The following VARS2 variants were observed in gnomAD, a reference collection of about 807,000 sequenced individuals.
VARS2 encodes valyl-tRNA synthetase 2, mitochondrial.
Under a neutral mutation model 154.1 loss-of-function variants are expected in VARS2, and 105 were observed. The ratio of observed to expected loss-of-function variants is 0.68; its 90% CI spans 0.58 to 0.80. The LOEUF is 0.80. Ranked by LOEUF, VARS2 falls within the 30% of genes least tolerant of loss-of-function variation. VARS2 has a pLI of 0.00. For synonymous variants in VARS2, 483 were observed against 539.5 expected, an observed-to-expected ratio of 0.90 and a Z score of 1.45; for missense variants, 1,157 against 1,361.4, an observed-to-expected ratio of 0.85 and a Z score of 2.36.
rs145049694 is a variant in VARS2 at position 30,916,480 on chromosome 6, TTATA to T, written c.671+245_671+248del. Reference sequence around the variant, plus strand: ...TGTGTGTGTGTGTGTGTGTGTGTATTTATATATATATATATATTTTCTTTCTCTT... The same window carrying T: ...TGTGTGTGTGTGTGTGTGTGTGTATTTATATATATATATTTTCTTTCTCTT... On this transcript the variant is annotated intron_variant, in intron 7 of 29. Coordinates refer to ENST00000676266, the MANE Select transcript of VARS2 (RefSeq NM_020442.6). This position sits in a 1 kb window ranked among gnomAD's most constrained non-coding sequence, Gnocchi z 4.0. The T allele has an allele frequency of 2.8e-5, 8 of 286,940 alleles. No individual in the cohort carries two copies. Among genetic ancestry groups the T allele is most frequent in the Non-Finnish European group, 4.8e-5 (8 of 166,678 alleles). 17.8% of individuals were successfully genotyped at this position (286,940 alleles called of 1,614,324 possible). A position where few individuals can be genotyped will look rare whatever the true frequency, so the allele number is the denominator to read the frequency against.
chr6:30,914,258 TCCAGGG>T lies in VARS2; in HGVS notation c.-110_-105del. 2 of 816,582 alleles carry T rather than the reference TCCAGGG, an allele frequency of 2.4e-6. No individual in the cohort carries two copies. The highest frequency in any genetic ancestry group is 3.3e-6 in the Non-Finnish European group (2 of 606,572). The allele number at this position is 816,582 out of a possible 1,614,324, so 50.6% of individuals were successfully genotyped here. ...GCCCCGCCCCCATGCGCCGCGCGGC[TCCAGGG>T]CCACGTTCCAGGGTCGGGTTTGGTG... On this transcript the variant is annotated 5_prime_UTR_variant, in exon 1 of 30. Coordinates refer to ENST00000676266, the MANE Select transcript of VARS2 (RefSeq NM_020442.6).
In VARS2 at chr6:30,917,305, A is replaced by G; in HGVS notation, c.873+81A>G. The stretch of plus-strand genomic sequence containing the variant: ...GATTAAGAGCTCAGACTCTGGAGCC[A>G]GGGTGCCTGGATTCAAATCTGATGC... On this transcript the variant is annotated intron_variant, in intron 9 of 29. Coordinates refer to ENST00000676266, the MANE Select transcript of VARS2 (RefSeq NM_020442.6). The surrounding 1 kb of genome is among the most constrained non-coding windows in gnomAD (Gnocchi z 4.4). The G allele has an allele frequency of 1.2e-6, 2 of 1,605,880 alleles. No homozygotes were observed. Among genetic ancestry groups the G allele is most frequent in the Admixed American group, 3.3e-5 (2 of 59,932 alleles).
chr6:30,921,732 G>T lies in VARS2; in HGVS notation c.1735+41G>T. On this transcript the variant is annotated intron_variant, in intron 18 of 29. Transcript: ENST00000676266. This position sits in a 1 kb window ranked among gnomAD's most constrained non-coding sequence, Gnocchi z 4.6. ...GGGGAGGGATGTACAGGGGAGCGGG[G>T]GCCTGGGCATCTGGGCCTTTGAGGG... The T allele has an allele frequency of 6.4e-7, 1 of 1,563,032 alleles. No homozygotes were observed. Among genetic ancestry groups the T allele is most frequent in the African/African-American group, 1.3e-5 (1 of 74,164 alleles).
Position 30,914,243 on chromosome 6 carries a change from C to T in VARS2, c.-129C>T. 2.8e-6 allele frequency: 2 copies of T among 714,974 alleles called. No homozygotes were observed. Among genetic ancestry groups the T allele is most frequent in the Admixed American group, 4.3e-5 (1 of 23,090 alleles). 44.3% of individuals were successfully genotyped at this position (714,974 alleles called of 1,614,324 possible). On this transcript the variant is annotated 5_prime_UTR_variant, in exon 1 of 30. Transcript: ENST00000676266. ...CATGCGCCGGCCGGGGCCCCGCCCCCATGCGCCGCGCGGCTCCAGGGCCAC... is the reference window on the plus strand; with the variant it reads ...CATGCGCCGGCCGGGGCCCCGCCCCTATGCGCCGCGCGGCTCCAGGGCCAC...
At chr6:30,925,105 C>T (rs923773468) in intron 26 of VARS2, among the ~76,000 whole-genome samples, 169 bp from the exon 27 acceptor site, 2 of 152,206 alleles carry the variant, frequency 1.3e-5, no homozygotes, top group Admixed American at 6.5e-5. Flanking sequence ...TCTTAAATGA[C>T]GCCTCACTTT....
In VARS2 at chr6:30,921,375, C is replaced by T. The variant is rs1369874804; in HGVS notation, c.1632+70C>T. The T allele has an allele frequency of 7.6e-6, 12 of 1,584,136 alleles. No individual in the cohort carries two copies. The highest frequency in any genetic ancestry group is 6.1e-6 in the Non-Finnish European group (7 of 1,154,864). ...ACCTAGCCCAGGAGTCAGAGCTCCG[C>T]AGGGCCAAGTCCCGCTCCTGCCTGG... On this transcript the variant is annotated intron_variant, in intron 17 of 29. Transcript: ENST00000676266. The surrounding 1 kb of genome is among the most constrained non-coding windows in gnomAD (Gnocchi z 4.6).
At chr6:30,918,716 C>A in intron 10 of VARS2, 111 bp from the exon 11 acceptor site, 1 of 893,614 alleles carries the variant, frequency 1.1e-6, no homozygotes, top group African/African-American at 1.7e-5. Context: ...GCCTCTTCCA[C>A]CTTGACTACT....
At position 30,915,631 on chromosome 6, in the gene VARS2, CTCT is replaced by C; in HGVS notation, c.385-113_385-111del. 2.0e-6 allele frequency: 3 copies of C among 1,535,950 alleles called. No individual in the cohort carries two copies. The South Asian group carries it at 3.7e-5, about 19-fold the overall frequency. ...GGCCAATTCCCTCCTCTCCACTCTC[CTCT>C]TATTTGCAGGACAGTTCTTCCTTGA... is the stretch of plus-strand genomic sequence containing the variant. On this transcript the variant is annotated intron_variant, in intron 4 of 29. Coordinates refer to ENST00000676266, the MANE Select transcript of VARS2 (RefSeq NM_020442.6).
At chr6:30,915,061 T>C (rs529785150) in intron 2 of VARS2, 24 bp downstream of exon 2, 1 of 1,612,846 alleles carries the variant, frequency 6.2e-7, no homozygotes, top group Non-Finnish European at 8.5e-7. Context: ...CAGCTTGTCC[T>C]TGGGTTTCTG....
Position 30,922,939 on chromosome 6 carries a change from T to C in VARS2, c.2148T>C (p.Asp716=). 6.2e-7 allele frequency: 1 copy of C among 1,610,666 alleles called. No individual in the cohort carries two copies. The change falls in exon 23 of 30, where the codon GAT becomes GAC. Residue 716 remains aspartate (D), a synonymous_variant. Transcript: ENST00000676266. Reference sequence around the variant, plus strand: ...ACGGGATCCCTGAGTGTGGGACAGATGCCCTGAGATTCACACTCTGCTCCC... The same window carrying C: ...ACGGGATCCCTGAGTGTGGGACAGACGCCCTGAGATTCACACTCTGCTCCC... ...FPHGIPECGT[D]ALRFTLCSHG...
rs753547589 is a variant in VARS2, at chr6:30,915,464, C to G, written c.384+9C>G. 7 of 1,612,848 alleles carry G rather than the reference C, an allele frequency of 4.3e-6. No homozygotes were observed. In the East Asian group the frequency reaches 1.3e-4, roughly 31 times the overall value. On this transcript the variant is annotated intron_variant, in intron 4 of 29. Transcript: ENST00000676266. Reference sequence around the variant, plus strand: ...TCAAACCAGAATATCAGGTTAGTATCTGGCAGGGAGGGGTCCTAAATTGTC... The same window carrying G: ...TCAAACCAGAATATCAGGTTAGTATGTGGCAGGGAGGGGTCCTAAATTGTC...
Position 30,921,200 on chromosome 6 carries a change from T to C in VARS2, c.1557-30T>C, listed in dbSNP as rs751103508. On this transcript the variant is annotated intron_variant, in intron 16 of 29. Transcript: ENST00000676266. The surrounding 1 kb of genome is among the most constrained non-coding windows in gnomAD (Gnocchi z 4.6). ...TGGGGAGGGGGGACTGACTGGTTATTCTAAGACTTCACGAATGTCCTCCCG... is the reference window on the plus strand; with the variant it reads ...TGGGGAGGGGGGACTGACTGGTTATCCTAAGACTTCACGAATGTCCTCCCG... 1 of 1,613,982 alleles carries C rather than the reference T, an allele frequency of 6.2e-7. No homozygotes were observed. The highest frequency in any genetic ancestry group is 8.5e-7 in the Non-Finnish European group (1 of 1,179,958).
In VARS2 at chr6:30,926,280, A is replaced by G; in HGVS notation, c.*70A>G. The G allele has an allele frequency of 6.7e-7, 1 of 1,494,982 alleles. No individual in the cohort carries two copies. Among genetic ancestry groups the G allele is most frequent in the Non-Finnish European group, 9.3e-7 (1 of 1,080,772 alleles). 92.6% of individuals were successfully genotyped at this position (1,494,982 alleles called of 1,614,324 possible). A position where few individuals can be genotyped will look rare whatever the true frequency, so the allele number is the denominator to read the frequency against. The stretch of plus-strand genomic sequence containing the variant: ...AGGACAAACAGATTTGTCAGCTGTC[A>G]GGGTGCAGTGGGACGTCAGAGACTA... On this transcript the variant is annotated 3_prime_UTR_variant, in exon 30 of 30. Coordinates refer to ENST00000676266, the MANE Select transcript of VARS2 (RefSeq NM_020442.6).
rs1387796443 is a variant in VARS2, at chr6:30,917,911, C to T, written c.985+105C>T. 1.7e-6 allele frequency: 2 copies of T among 1,170,394 alleles called. No homozygotes were observed. The highest frequency in any genetic ancestry group is 1.5e-5 in the African/African-American group (1 of 64,934). The allele number at this position is 1,170,394 out of a possible 1,614,324, so 72.5% of individuals were successfully genotyped here. A position where few individuals can be genotyped will look rare whatever the true frequency, so the allele number is the denominator to read the frequency against. On this transcript the variant is annotated intron_variant, in intron 10 of 29. Coordinates refer to ENST00000676266, the MANE Select transcript of VARS2 (RefSeq NM_020442.6). This position sits in a 1 kb window ranked among gnomAD's most constrained non-coding sequence, Gnocchi z 4.4. ...CCCATCAGTCCATCTCTCACATGTA[C>T]CTTGGTAGTGTTCACCTCAGCGTGG...
In VARS2 at chr6:30,917,895, C is replaced by T; in HGVS notation, c.985+89C>T. ...GTTGGGCTGCTAGGAACCCATCAGT[C>T]CATCTCTCACATGTACCTTGGTAGT... On this transcript the variant is annotated intron_variant, in intron 10 of 29. Transcript: ENST00000676266. This position sits in a 1 kb window ranked among gnomAD's most constrained non-coding sequence, Gnocchi z 4.4. The T allele has an allele frequency of 7.7e-7, 1 of 1,298,962 alleles. No individual in the cohort carries two copies. Among genetic ancestry groups the T allele is most frequent in the East Asian group, 2.5e-5 (1 of 39,652 alleles). The allele number at this position is 1,298,962 out of a possible 1,614,324, so 80.5% of individuals were successfully genotyped here.
intron 1 of VARS2, 106 bp downstream of exon 1, chr6:30,914,450 T>C (rs1794011198): frequency 2.3e-6 from 3 of 1,296,354 alleles, no homozygotes; most frequent in Non-Finnish European, 2.9e-6. Flanking sequence ...CTGTGGGCAC[T>C]GCAGGAGGCC....
At position 30,917,039 on chromosome 6, in the gene VARS2, T is replaced by C; in HGVS notation, c.754-66T>C. The C allele has an allele frequency of 6.2e-7, 1 of 1,613,680 alleles. No homozygotes were observed. The highest frequency in any genetic ancestry group is 8.5e-7 in the Non-Finnish European group (1 of 1,179,614). Reference sequence around the variant, plus strand: ...TGTGGGGCAGGGAGGAAGCAATGCCTGGGTCCCTGAGCAGGGTGATGGGCT... The same window carrying C: ...TGTGGGGCAGGGAGGAAGCAATGCCCGGGTCCCTGAGCAGGGTGATGGGCT... On this transcript the variant is annotated intron_variant, in intron 8 of 29. Transcript: ENST00000676266. The surrounding 1 kb of genome is among the most constrained non-coding windows in gnomAD (Gnocchi z 4.4).
At position 30,922,207 on chromosome 6, in the gene VARS2, G is replaced by C; in HGVS notation, c.1898G>C (p.Gly633Ala). The C allele has an allele frequency of 6.2e-7, 1 of 1,612,652 alleles. No homozygotes were observed. Among genetic ancestry groups the C allele is most frequent in the African/African-American group, 1.3e-5 (1 of 74,980 alleles). The stretch of plus-strand genomic sequence containing the variant: ...TGGGTGGGCCGCATGGTCATGTTGG[G>C]GACCCAGCTCACAGGGCAGCTGCCC... ...LFWVGRMVML[G>A]TQLTGQLPFS... is the part of the protein sequence containing the mutation. The change falls in exon 20 of 30, where the codon GGG (glycine) becomes GCG (alanine). Residue 633 changes from glycine to alanine, a missense_variant. Coordinates refer to ENST00000676266, the MANE Select transcript of VARS2 (RefSeq NM_020442.6).
At position 30,917,674 on chromosome 6, in the gene VARS2, C is replaced by G. The variant is rs1794255654; in HGVS notation, c.874-21C>G. 1 of 1,543,752 alleles carries G rather than the reference C, an allele frequency of 6.5e-7. No homozygotes were observed. Among genetic ancestry groups the G allele is most frequent in the Non-Finnish European group, 8.7e-7 (1 of 1,145,356 alleles). ...CTTGCAGAAAGGCTGCCCTCTGACC[C>G]AGCTTTCTCGGTGCCTCCAGGTGGA... On this transcript the variant is annotated intron_variant, in intron 9 of 29. Coordinates refer to ENST00000676266, the MANE Select transcript of VARS2 (RefSeq NM_020442.6). This position sits in a 1 kb window ranked among gnomAD's most constrained non-coding sequence, Gnocchi z 4.4.
Sources: gnomAD v4.1 joint callset for allele counts (sites outside exome capture counted in the v4.1 genomes callset) on GRCh38, gnomAD v4.1.1 for gene constraint, Gnocchi (gnomAD v3.1) non-coding constraint, MANE v1.5 for transcripts, NCBI Gene and HGNC (gene_info 2026-07-23, HGNC 2026-07-21) for gene names.